The following TEX9 variants were observed in gnomAD, a reference collection of about 807,000 sequenced individuals.
The protein encoded by TEX9 is testis expressed 9.
A neutral mutation model predicts 59.6 loss-of-function variants in TEX9; 74 were observed. The ratio of observed to expected loss-of-function variants is 1.24; its 90% CI spans 1.03 to 1.51. The LOEUF (loss-of-function observed/expected upper bound fraction) is 1.51. TEX9 is among the 40% of genes most tolerant of loss of function. The probability of loss-of-function intolerance (pLI) is 0.00; values close to 1 mark genes in which losing one functional copy is unlikely to be tolerated. For missense variants in TEX9, 522 were observed against 447.8 expected, an observed-to-expected ratio of 1.17 and a Z score of -1.49; for synonymous variants, 186 against 152.2, an observed-to-expected ratio of 1.22 and a Z score of -1.64.
intron 1 of TEX9, among the ~76,000 whole-genome samples, chr15:56,281,197 G>T (rs2044810945): frequency 6.6e-6 from 1 of 152,178 alleles, no homozygotes; most frequent in Non-Finnish European, 1.5e-5. Flanking sequence ...GCAGAACGGT[G>T]AGGGGAAAAG....
chr15:56,281,688 C>T (rs2044823840), intron 1 of TEX9, among the ~76,000 whole-genome samples: 1 of 152,126 alleles, frequency 6.6e-6, no homozygotes, highest in Non-Finnish European at 1.5e-5. Context: ...ATTATCTACC[C>T]CATGAAGTAA....
chr15:56,283,080 G>A (rs1016917855), intron 1 of TEX9, among the ~76,000 whole-genome samples: 9 of 145,770 alleles, frequency 6.2e-5, no homozygotes, highest in Non-Finnish European at 1.4e-4. Flanking sequence ...GTGTGTGTGT[G>A]TACATATACA....
chr15:56,269,012 T>G (rs1054481104), intron 1 of TEX9, among the ~76,000 whole-genome samples: 4 of 152,200 alleles, frequency 2.6e-5, no homozygotes, highest in Non-Finnish European at 4.4e-5. Flanking sequence ...ATCCTGTTAT[T>G]GGTCTATTCA....
At chr15:56,406,468 G>A (rs981421646) in intron 9 of TEX9, among the ~76,000 whole-genome samples, 1 of 152,124 alleles carries the variant, frequency 6.6e-6, no homozygotes, top group Non-Finnish European at 1.5e-5. Flanking sequence ...ATACTTAGGA[G>A]TGGAATTTGT....
intron 12 of TEX9, among the ~76,000 whole-genome samples, chr15:56,440,875 C>G (rs1345015352): frequency 6.6e-6 from 1 of 151,938 alleles, no homozygotes; most frequent in African/African-American, 2.4e-5. Flanking sequence ...TTTGTTTATC[C>G]ATTAGACATT....
intron 9 of TEX9, 129 bp from the exon 10 acceptor site, chr15:56,412,173 C>CGTGTGT (rs3217284): frequency 7.2e-6 from 5 of 696,578 alleles, no homozygotes; most frequent in Middle Eastern, 4.4e-4. Flanking sequence ...TACCCCCAAG[C>CGTGTGT]GTGTGTGTGT....
intron 1 of TEX9, among the ~76,000 whole-genome samples, chr15:56,340,375 C>A (rs2046349188): frequency 6.6e-6 from 1 of 152,180 alleles, no homozygotes; most frequent in Non-Finnish European, 1.5e-5. Flanking sequence ...TTCTAACAAT[C>A]ATGATAATAC....
chr15:56,443,483 G>T, intron 12 of TEX9: 1 of 1,598,546 alleles, frequency 6.3e-7, no homozygotes. Flanking sequence ...AATTCTTGTC[G>T]CACTTGTTCC....
intron 12 of TEX9, among the ~76,000 whole-genome samples, chr15:56,444,897 A>G (rs538872423): frequency 2.0e-4 from 31 of 152,198 alleles, no homozygotes; most frequent in African/African-American, 7.5e-4. Flanking sequence ...CTCTCTCAGG[A>G]CAATACCTGA....
At chr15:56,434,707 G>C (rs1168910191) in intron 12 of TEX9, among the ~76,000 whole-genome samples, 3 of 152,056 alleles carry the variant, frequency 2.0e-5, no homozygotes, top group African/African-American at 7.2e-5. Flanking sequence ...GCACACCTGA[G>C]TTTATTCATC....
chr15:56,365,701 C>G, intron 2 of TEX9, 31 bp downstream of exon 2: 1 of 1,613,518 alleles, frequency 6.2e-7, no homozygotes. Context: ...ACTTTTCCTT[C>G]TTTCTTTCAT....
At chr15:56,353,356 A>G (rs2046622212) in intron 1 of TEX9, among the ~76,000 whole-genome samples, 1 of 152,222 alleles carries the variant, frequency 6.6e-6, no homozygotes, top group African/African-American at 2.4e-5. Flanking sequence ...TAAAAAATAA[A>G]AATAGCATTT....
chr15:56,275,840 T>C (rs1383890580), intron 1 of TEX9, among the ~76,000 whole-genome samples: 2 of 152,162 alleles, frequency 1.3e-5, no homozygotes, highest in East Asian at 1.9e-4. Flanking sequence ...TTTTTTCTTA[T>C]AGTGTAGTTC....
At chr15:56,309,263 A>G (rs1266758113) in intron 1 of TEX9, among the ~76,000 whole-genome samples, 1 of 152,118 alleles carries the variant, frequency 6.6e-6, no homozygotes, top group Non-Finnish European at 1.5e-5. Flanking sequence ...GAGGTTTTTT[A>G]TTAAGAAAGG....
At chr15:56,321,118 T>A (rs969891294) in intron 1 of TEX9, among the ~76,000 whole-genome samples, 3 of 152,178 alleles carry the variant, frequency 2.0e-5, no homozygotes, top group Admixed American at 2.0e-4. Flanking sequence ...TCAATGCCAC[T>A]GTGTGATTCA....
chr15:56,287,510 T>G (rs2044981582), intron 1 of TEX9, among the ~76,000 whole-genome samples: 2 of 152,234 alleles, frequency 1.3e-5, no homozygotes, highest in Admixed American at 1.3e-4. Flanking sequence ...AACATCGTAG[T>G]ACCTCATATA....
chr15:56,408,795 T>C (rs2049203420), intron 9 of TEX9: 1 of 152,200 alleles, frequency 6.6e-6, no homozygotes, highest in Admixed American at 6.5e-5. Context: ...AAACCACTTC[T>C]CAAAACATTC....
chr15:56,279,979 T>TA (rs2044776354), intron 1 of TEX9, among the ~76,000 whole-genome samples: 1 of 152,226 alleles, frequency 6.6e-6, no homozygotes, highest in South Asian at 2.1e-4. Flanking sequence ...CAGCTTGCAA[T>TA]AAGCTGTAGC....
the TEX9 span, chr15:56,456,502 A>C: frequency 1.2e-6 from 2 of 1,610,534 alleles, no homozygotes; most frequent in Admixed American, 3.4e-5. Flanking sequence ...GAGTTCTTTC[A>C]ATCTCTTGTT....
Sources: gnomAD v4.1 joint callset for allele counts (sites outside exome capture counted in the v4.1 genomes callset) on GRCh38, gnomAD v4.1.1 for gene constraint, MANE v1.5 for transcripts, NCBI Gene and HGNC (gene_info 2026-07-23, HGNC 2026-07-21) for gene names.